The following WDR70 variants were observed in gnomAD, a reference collection of about 807,000 sequenced individuals.
The protein encoded by WDR70 is WD repeat-containing protein 70.
A neutral mutation model predicts 88.6 loss-of-function variants in WDR70; 53 were observed. That is an observed-to-expected ratio of 0.60 (90% CI 0.48 to 0.75). The LOEUF (loss-of-function observed/expected upper bound fraction) is 0.75. WDR70 is among the 30% of genes least tolerant of loss of function. The probability of loss-of-function intolerance (pLI) is 0.00; values close to 1 mark genes in which losing one functional copy is unlikely to be tolerated. For synonymous variants in WDR70, 280 were observed against 270.0 expected (o/e 1.04, Z -0.36); for missense variants, 610 against 823.2 (o/e 0.74, Z 3.17).
intron 8 of WDR70, among the ~76,000 whole-genome samples, chr5:37,505,165 A>G (rs1740523377): frequency 6.6e-6 from 1 of 152,192 alleles, no homozygotes; most frequent in South Asian, 2.1e-4. Context: ...ATTGTCTTTT[A>G]TCAGGCAACT....
chr5:37,752,261 G>C (rs1440026475), intron 17 of WDR70, among the ~76,000 whole-genome samples: 1 of 152,178 alleles, frequency 6.6e-6, no homozygotes. Context: ...TGTATGTACA[G>C]TCTGCCACAG....
At chr5:37,391,017 A>G (rs1398013476) in intron 3 of WDR70, among the ~76,000 whole-genome samples, 1 of 152,198 alleles carries the variant, frequency 6.6e-6, no homozygotes, top group African/African-American at 2.4e-5. Context: ...CGCCTGGCCA[A>G]GAAGTGCTAA....
At chr5:37,653,470 G>A (rs1474539408) in intron 10 of WDR70, among the ~76,000 whole-genome samples, 2 of 152,144 alleles carry the variant, frequency 1.3e-5, no homozygotes, top group African/African-American at 4.8e-5. Context: ...AGTTAGGGAG[G>A]AGTCCCTCTT....
chr5:37,577,228 A>G (rs1743085552), intron 9 of WDR70, among the ~76,000 whole-genome samples: 1 of 152,196 alleles, frequency 6.6e-6, no homozygotes, highest in Non-Finnish European at 1.5e-5. Context: ...AACTTATAGG[A>G]TGATGATGAT....
At chr5:37,679,496 C>T (rs1032142798) in intron 10 of WDR70, among the ~76,000 whole-genome samples, 7 of 152,226 alleles carry the variant, frequency 4.6e-5, no homozygotes, top group Admixed American at 1.3e-4. Flanking sequence ...TAGAGGTCCA[C>T]ACCAGACCCT....
At chr5:37,696,460 C>G (rs922957966) in intron 10 of WDR70, among the ~76,000 whole-genome samples, 1 of 152,144 alleles carries the variant, frequency 6.6e-6, no homozygotes, top group African/African-American at 2.4e-5. Flanking sequence ...TGTTTTGTGA[C>G]TCATTCTTCA....
chr5:37,677,075 G>C (rs996039458), intron 10 of WDR70, among the ~76,000 whole-genome samples: 1 of 152,224 alleles, frequency 6.6e-6, no homozygotes, highest in Middle Eastern at 3.4e-3. Context: ...GGGATCGGTG[G>C]TGATATCCCC....
chr5:37,725,083 G>A (rs756595786), intron 16 of WDR70, 33 bp downstream of exon 16: 8 of 1,581,068 alleles, frequency 5.1e-6, no homozygotes, highest in East Asian at 2.2e-5. Context: ...CCTGCAGAGG[G>A]GGTTCAGAGG....
At chr5:37,476,804 T>C (rs1739500784) in intron 7 of WDR70, among the ~76,000 whole-genome samples, 1 of 152,196 alleles carries the variant, frequency 6.6e-6, no homozygotes, top group Admixed American at 6.5e-5. Context: ...TGCCTTGGCC[T>C]CCCAAACTGT....
chr5:37,686,668 G>T (rs1455768724), intron 10 of WDR70, among the ~76,000 whole-genome samples: 1 of 151,966 alleles, frequency 6.6e-6, no homozygotes, highest in Non-Finnish European at 1.5e-5. Flanking sequence ...GAAATTGACT[G>T]ATATTCCTTA....
intron 13 of WDR70, among the ~76,000 whole-genome samples, chr5:37,715,971 G>A (rs1365956276): frequency 5.9e-5 from 9 of 152,066 alleles, no homozygotes; most frequent in African/African-American, 2.2e-4. Context: ...TCCCAAGGAT[G>A]TCTGTAACTC....
intron 9 of WDR70, among the ~76,000 whole-genome samples, chr5:37,586,115 C>T (rs1561912200): frequency 2.0e-5 from 3 of 152,254 alleles, no homozygotes; most frequent in East Asian, 1.9e-4. Flanking sequence ...TCGAGTGTTA[C>T]CTTCTCTCCC....
Position 37,479,847 on chromosome 5 carries a change from T to C in WDR70, c.700T>C (p.Ser234Pro), listed in dbSNP as rs746719843. 2 of 1,613,456 alleles carry C rather than the reference T, an allele frequency of 1.2e-6. No homozygotes were observed. The highest frequency in any genetic ancestry group is 1.1e-5 in the South Asian group (1 of 90,966). Residue 234 changes from serine (S) to proline (P), a missense_variant, in exon 8 of 18, where the codon TCA becomes CCA. This residue lies in a region of WDR70 where 83 missense variants were observed against 155.3 expected (regional missense o/e 0.53). Transcript: ENST00000265107. Reference protein sequence around the residue: ...LQPCECHQIKSLQYSNTGDMI... With the variant: ...LQPCECHQIKPLQYSNTGDMI... ...CTTTTCGTACAGCCATCAGATCAAG[T>C]CATTACAGTATAGTAACACAGGAGA...
At chr5:37,749,111 A>G (rs1461935534) in intron 17 of WDR70, among the ~76,000 whole-genome samples, 1 of 152,244 alleles carries the variant, frequency 6.6e-6, no homozygotes, top group Non-Finnish European at 1.5e-5. Context: ...TACTGGGTAT[A>G]TACCCAAAGG....
intron 10 of WDR70, among the ~76,000 whole-genome samples, chr5:37,641,314 G>A (rs1581458055): frequency 6.6e-6 from 1 of 151,748 alleles, no homozygotes; most frequent in Admixed American, 6.6e-5. Context: ...CCATGTTGGC[G>A]AGGCTGGTCT....
At chr5:37,655,200 A>G (rs960380916) in intron 10 of WDR70, among the ~76,000 whole-genome samples, 6 of 152,172 alleles carry the variant, frequency 3.9e-5, no homozygotes, top group Non-Finnish European at 8.8e-5. Flanking sequence ...TCCTTCGCTT[A>G]TGAAGCTTAG....
chr5:37,546,795 G>T (rs1353918263), intron 9 of WDR70, among the ~76,000 whole-genome samples: 3 of 152,002 alleles, frequency 2.0e-5, no homozygotes, highest in African/African-American at 4.8e-5. Flanking sequence ...GGCACACTCT[G>T]TAGTCTCAGT....
Position 37,645,128 on chromosome 5 carries a change from TTGGTACTGCTGTTGC to T in WDR70, c.1092+39893_1092+39907del, listed in dbSNP as rs560984638. The stretch of plus-strand genomic sequence containing the variant: ...GTGCTTATAGCTATAAACGTTCCTC[TTGGTACTGCTGTTGC>T]TGTATCCCATAGGATTTGGCATGTT... On this transcript the variant is annotated intron_variant, in intron 10 of 17. Transcript: ENST00000265107. 1.3e-3 allele frequency among the ~76,000 whole-genome samples: 197 copies of T among 152,128 alleles called. 1 individual carries two copies. Among genetic ancestry groups the T allele is most frequent in the African/African-American group, 4.6e-3 (192 of 41,530 alleles).
chr5:37,468,584 T>A (rs1252989764), intron 7 of WDR70, among the ~76,000 whole-genome samples: 1 of 152,186 alleles, frequency 6.6e-6, no homozygotes, highest in Non-Finnish European at 1.5e-5. Context: ...TTGCATAATT[T>A]TTTTTTGTAG....
Sources: allele counts gnomAD v4.1 joint callset (sites outside exome capture counted in the v4.1 genomes callset), GRCh38; gene constraint gnomAD v4.1.1; regional missense constraint gnomAD v4.1.1; transcripts MANE v1.5; gene names NCBI Gene and HGNC (gene_info 2026-07-23, HGNC 2026-07-21).